CAMK1D: variants seen among roughly 807,000 people sequenced by gnomAD.
CAMK1D encodes the protein calcium/calmodulin-dependent protein kinase type 1D.
Under a neutral mutation model 47.7 loss-of-function variants are expected in CAMK1D, and 9 were observed. The observed-to-expected ratio is 0.19, with a 90% CI of 0.11 to 0.33. The LOEUF is 0.33. CAMK1D is among the 10% of genes least tolerant of loss of function. The probability of loss-of-function intolerance (pLI) is 1.00; values close to 1 mark genes in which losing one functional copy is unlikely to be tolerated. For missense variants in CAMK1D, 291 were observed against 488.7 expected (o/e 0.60, Z 3.81); for synonymous variants, 184 against 184.9 (o/e 0.99, Z 0.04).
intron 2 of CAMK1D, among the ~76,000 whole-genome samples, chr10:12,660,758 ATTAAG>A (rs1433841741): frequency 6.6e-6 from 1 of 152,200 alleles, no homozygotes; most frequent in African/African-American, 2.4e-5. Context: ...AGTGATGAAA[ATTAAG>A]TTGAGTTTCT....
chr10:12,813,151 A>G (rs1832671364), intron 6 of CAMK1D, among the ~76,000 whole-genome samples: 1 of 152,332 alleles, frequency 6.6e-6, no homozygotes, highest in South Asian at 2.1e-4. Flanking sequence ...TCTGCTAAAA[A>G]TCAACTTTGA....
At chr10:12,731,629 T>C (rs1463570388) in intron 3 of CAMK1D, among the ~76,000 whole-genome samples, 1 of 152,038 alleles carries the variant, frequency 6.6e-6, no homozygotes, top group African/African-American at 2.4e-5. Context: ...GGACGGTGTA[T>C]GGCAAGGAGC....
At chr10:12,608,825 C>T (rs1308933528) in intron 2 of CAMK1D, among the ~76,000 whole-genome samples, 1 of 152,200 alleles carries the variant, frequency 6.6e-6, no homozygotes, top group Admixed American at 6.5e-5. Context: ...AGTATGTTGG[C>T]CCTTCGGCAT....
intron 1 of CAMK1D, among the ~76,000 whole-genome samples, chr10:12,542,496 T>C (rs981481613): frequency 3.9e-5 from 6 of 152,214 alleles, no homozygotes; most frequent in Admixed American, 1.3e-4. Flanking sequence ...TTGGGATGGA[T>C]ATAATTTCAC....
At chr10:12,554,998 A>T (rs982582239) in intron 2 of CAMK1D, among the ~76,000 whole-genome samples, 1 of 152,202 alleles carries the variant, frequency 6.6e-6, no homozygotes, top group African/African-American at 2.4e-5. Flanking sequence ...CTGATTTTGC[A>T]TGTTTGGAGT....
At chr10:12,737,388 T>C (rs7090066) in intron 3 of CAMK1D, among the ~76,000 whole-genome samples, 59,116 of 152,054 alleles carry the variant, frequency 0.39, 12,153 homozygotes, top group South Asian at 0.47. Flanking sequence ...AAGTGCTGTG[T>C]CTCTGTCATC....
At chr10:12,753,411 T>TA (rs1564537027) in intron 3 of CAMK1D, among the ~76,000 whole-genome samples, 1 of 152,238 alleles carries the variant, frequency 6.6e-6, no homozygotes, top group Non-Finnish European at 1.5e-5. Flanking sequence ...TTCATTAACC[T>TA]AGGACACCTC....
intron 1 of CAMK1D, among the ~76,000 whole-genome samples, chr10:12,499,673 T>C (rs7081851): frequency 0.48 from 72,711 of 152,068 alleles, 18,662 homozygotes; most frequent in East Asian, 0.8. Context: ...GGATTTTCAC[T>C]TTAGAGCAGA....
At chr10:12,617,102 T>G (rs939469850) in intron 2 of CAMK1D, among the ~76,000 whole-genome samples, 3 of 152,134 alleles carry the variant, frequency 2.0e-5, no homozygotes, top group African/African-American at 7.2e-5. Context: ...TGGTAGATTT[T>G]TTTTCCTCAA....
intron 3 of CAMK1D, among the ~76,000 whole-genome samples, chr10:12,709,466 A>G (rs1430358827): frequency 1.3e-5 from 2 of 152,202 alleles, no homozygotes; most frequent in Non-Finnish European, 2.9e-5. Flanking sequence ...AAAATATGAC[A>G]GATACAAAGA....
intron 1 of CAMK1D, among the ~76,000 whole-genome samples, chr10:12,427,425 G>A (rs1183047799): frequency 2.0e-5 from 3 of 152,116 alleles, no homozygotes; most frequent in Non-Finnish European, 2.9e-5. Flanking sequence ...CTCTCCTTTT[G>A]CCCTCTGCTC....
chr10:12,812,959 T>C (rs1401343381), intron 6 of CAMK1D, among the ~76,000 whole-genome samples: 1 of 152,196 alleles, frequency 6.6e-6, no homozygotes, highest in Non-Finnish European at 1.5e-5. Flanking sequence ...TCCAAAAAAA[T>C]GCATCACTGG....
At chr10:12,754,183 G>A (rs1041087898) in intron 3 of CAMK1D, among the ~76,000 whole-genome samples, 2 of 152,046 alleles carry the variant, frequency 1.3e-5, no homozygotes, top group South Asian at 2.1e-4. Flanking sequence ...GAGCCACCAC[G>A]CCCAGCCTGC....
intron 5 of CAMK1D, among the ~76,000 whole-genome samples, chr10:12,788,169 G>T (rs1208159905): frequency 1.3e-5 from 2 of 151,944 alleles, no homozygotes; most frequent in African/African-American, 2.4e-5. Flanking sequence ...ATCCAAAGCA[G>T]AAATCTTTTA....
intron 6 of CAMK1D, among the ~76,000 whole-genome samples, chr10:12,798,879 G>A (rs879698449): frequency 4.6e-5 from 7 of 152,232 alleles, no homozygotes; most frequent in Admixed American, 3.3e-4. Flanking sequence ...CTTTATTATG[G>A]TTTTATATAT....
At chr10:12,825,508 C>A in intron 9 of CAMK1D, 65 bp from the exon 10 acceptor site, 2 of 1,473,102 alleles carry the variant, frequency 1.4e-6, no homozygotes, top group South Asian at 1.3e-5. Context: ...AACAAGAGAA[C>A]ACAGTTAGAG....
intron 3 of CAMK1D, among the ~76,000 whole-genome samples, chr10:12,754,907 T>C (rs1299667282): frequency 2.0e-5 from 3 of 152,140 alleles, no homozygotes; most frequent in Non-Finnish European, 4.4e-5. Flanking sequence ...TGAGGTGTAC[T>C]GGGGGGTCAG....
At chr10:12,453,517 A>T (rs1205658306) in intron 1 of CAMK1D, among the ~76,000 whole-genome samples, 1 of 152,084 alleles carries the variant, frequency 6.6e-6, no homozygotes, top group Non-Finnish European at 1.5e-5. Flanking sequence ...AGGCCGAATA[A>T]TATTCCATTG....
intron 3 of CAMK1D, among the ~76,000 whole-genome samples, chr10:12,694,045 T>TTA: frequency 3.0e-5 from 2 of 65,606 alleles, no homozygotes; most frequent in Non-Finnish European, 5.1e-5. Context: ...AATATACATA[T>TTA]AATATATATT....
Sources: allele counts gnomAD v4.1 joint callset (sites outside exome capture counted in the v4.1 genomes callset), GRCh38; gene constraint gnomAD v4.1.1; transcripts MANE v1.5; gene names NCBI Gene and HGNC (gene_info 2026-07-23, HGNC 2026-07-21).